Variants in MTRF1 observed in about 807,000 individuals in gnomAD.
The protein encoded by MTRF1 is mitochondrial translation release factor 1, also known as peptide chain release factor 1, mitochondrial.
MTRF1 carries 51 observed loss-of-function variants against 62.9 expected under a neutral mutation model. The observed-to-expected ratio is 0.81, with a 90% confidence interval of 0.65 to 1.02. The LOEUF (loss-of-function observed/expected upper bound fraction) is 1.02. Ranked by LOEUF, MTRF1 falls within the 50% of genes least tolerant of loss-of-function variation. The probability of loss-of-function intolerance (pLI) is 0.00; values close to 1 mark genes in which losing one functional copy is unlikely to be tolerated. For missense variants in MTRF1, 446 were observed against 530.0 expected (o/e 0.84, Z 1.56); for synonymous variants, 158 against 181.9 (o/e 0.87, Z 1.06).
At chr13:41,255,598 A>C (rs1208617763) in intron 2 of MTRF1, among the ~76,000 whole-genome samples, 3 of 152,186 alleles carry the variant, frequency 2.0e-5, no homozygotes, top group Non-Finnish European at 4.4e-5. Flanking sequence ...AGGCTGAGGC[A>C]GGAGAATTGC....
intron 9 of MTRF1, among the ~76,000 whole-genome samples, chr13:41,222,647 C>T (rs540104100): frequency 6.6e-6 from 1 of 152,214 alleles, no homozygotes; most frequent in African/African-American, 2.4e-5. Flanking sequence ...GAGGTAGCCA[C>T]TGGGAAACAA....
In MTRF1 at chr13:41,249,619, C is replaced by CTTTTTTT. The variant is rs1166204914; in HGVS notation, c.697+3019_697+3025dup. Among the ~76,000 whole-genome samples the CTTTTTTT allele has an allele frequency of 1.8e-3, 112 of 61,546 alleles. 5 individuals are homozygous for CTTTTTTT. Among genetic ancestry groups the CTTTTTTT allele is most frequent in the Middle Eastern group, 0.017 (1 of 60 alleles). 40.4% of individuals were successfully genotyped at this position (61,546 alleles called of 152,430 possible). On this transcript the variant is annotated intron_variant, in intron 5 of 9. Coordinates refer to ENST00000379480, the MANE Select transcript of MTRF1 (RefSeq NM_004294.4). ...TATTCTTAGTCTTTGATTTTTTTTT[C>CTTTTTTT]TTTTTTTTTTTTTTTTTTTTTTTTT... is the stretch of plus-strand genomic sequence containing the variant.
At chr13:41,262,299 C>A (rs1169761760) in intron 1 of MTRF1, 1 of 137,240 alleles carries the variant, frequency 7.3e-6, no homozygotes, top group Non-Finnish European at 1.5e-5. Flanking sequence ...GAGATCGCAC[C>A]ACTGCAACCA....
chr13:41,233,714 G>A (rs2035988740), intron 7 of MTRF1, among the ~76,000 whole-genome samples, 176 bp downstream of exon 7: 1 of 152,140 alleles, frequency 6.6e-6, no homozygotes, highest in South Asian at 2.1e-4. Flanking sequence ...TTTTCAGAAA[G>A]GAATCTTTCC....
upstream of MTRF1, among the ~76,000 whole-genome samples, chr13:41,267,875 T>A (rs905995035): frequency 8.6e-5 from 12 of 140,284 alleles, no homozygotes; most frequent in African/African-American, 3.2e-4. Flanking sequence ...AAAAAAAAAA[T>A]GGCGATCAAA....
intron 8 of MTRF1, among the ~76,000 whole-genome samples, chr13:41,224,730 TAA>T (rs2138704689): frequency 1.3e-5 from 2 of 152,302 alleles, no homozygotes; most frequent in South Asian, 4.1e-4. Flanking sequence ...GCCTTCTGTA[TAA>T]AAGCCAAGTG....
At chr13:41,220,173 C>CA (rs1471080220) in intron 9 of MTRF1, among the ~76,000 whole-genome samples, 1 of 149,714 alleles carries the variant, frequency 6.7e-6, no homozygotes, top group East Asian at 2.0e-4. Context: ...ATTAAAAACA[C>CA]AGAAAAATTA....
At chr13:41,306,665 T>G in the MTRF1 span, among the ~76,000 whole-genome samples, 2 of 152,216 alleles carry the variant, frequency 1.3e-5, no homozygotes, top group Non-Finnish European at 2.9e-5. Flanking sequence ...TGGCCCATAT[T>G]ACATATGTAA....
chr13:41,239,059 T>C (rs1049999650), intron 6 of MTRF1, among the ~76,000 whole-genome samples: 1 of 151,036 alleles, frequency 6.6e-6, no homozygotes, highest in Non-Finnish European at 1.5e-5. Flanking sequence ...TAAAGAAACA[T>C]AGCAACTAAT....
rs1202783865 is a variant in MTRF1 at position 41,249,814 on chromosome 13, A to G, written c.697+2831T>C. ...GCCAATTTTTGTATTTGTAGTAGAC[A>G]TGGTGGCCAGGCTGGCCTCAAACTC... is the stretch of plus-strand genomic sequence containing the variant. On this transcript the variant is annotated intron_variant, in intron 5 of 9. Transcript: ENST00000379480. Among the ~76,000 whole-genome samples the G allele has an allele frequency of 4.6e-5, 7 of 151,516 alleles. No individual in the cohort carries two copies. The East Asian group carries it at 9.7e-4, about 21-fold the overall frequency.
At chr13:41,311,608 G>C in the MTRF1 span, 1 of 1,595,660 alleles carries the variant, frequency 6.3e-7, no homozygotes, top group Non-Finnish European at 8.5e-7. Flanking sequence ...CCGCGCTGCC[G>C]CCCCCCGGTC....
At chr13:41,286,185 C>T in the MTRF1 span, among the ~76,000 whole-genome samples, 21 of 151,044 alleles carry the variant, frequency 1.4e-4, no homozygotes, top group Non-Finnish European at 4.4e-5. Flanking sequence ...CCTCACACAA[C>T]TTTTTGCTTA....
At chr13:41,242,644 G>A (rs1039267971) in intron 5 of MTRF1, among the ~76,000 whole-genome samples, 9 of 152,018 alleles carry the variant, frequency 5.9e-5, no homozygotes, top group East Asian at 1.9e-4. Context: ...TGGCTATTTC[G>A]CTCTAAAATA....
intron 8 of MTRF1, 112 bp from the exon 9 acceptor site, chr13:41,223,466 C>T: frequency 6.7e-6 from 5 of 750,476 alleles, no homozygotes; most frequent in Non-Finnish European, 1.1e-5. Context: ...TTCTAAAAGA[C>T]ATATATACAA....
chr13:41,217,347 G>A (rs1192797156), intron 9 of MTRF1, 119 bp from the exon 10 acceptor site: 6 of 574,610 alleles, frequency 1.0e-5, no homozygotes, highest in East Asian at 2.9e-5. Flanking sequence ...GATTACTAAT[G>A]TTCTGTAATA....
intron 8 of MTRF1, 120 bp from the exon 9 acceptor site, chr13:41,223,474 C>T (rs1451995947): frequency 1.4e-6 from 1 of 719,626 alleles, no homozygotes; most frequent in African/African-American, 1.8e-5. Context: ...GACATATATA[C>T]AAAATGACAA....
At position 41,254,626 on chromosome 13, in the gene MTRF1, A is replaced by G; in HGVS notation, c.416-6T>C. On this transcript the variant is annotated splice_region_variant and splice_polypyrimidine_tract_variant and intron_variant, in intron 2 of 9. Coordinates refer to ENST00000379480, the MANE Select transcript of MTRF1 (RefSeq NM_004294.4). ...TTCATCTTGTTTATTTAGGCCTAAA[A>G]GCCAGAAACAGAAATAATGATAAAG... The G allele has an allele frequency of 6.2e-7, 1 of 1,604,130 alleles. No homozygotes were observed.
chr13:41,273,297 G>A, the MTRF1 span, among the ~76,000 whole-genome samples: 2 of 150,520 alleles, frequency 1.3e-5, no homozygotes, highest in Non-Finnish European at 3.0e-5. Flanking sequence ...CTGCACTCCA[G>A]CCTGGGCTAC....
intron 9 of MTRF1, among the ~76,000 whole-genome samples, chr13:41,220,930 G>A (rs1363604654): frequency 6.6e-6 from 1 of 152,110 alleles, no homozygotes; most frequent in East Asian, 1.9e-4. Context: ...TTTGTCCTGG[G>A]TCAGGATCAC....
Sources: gnomAD v4.1 joint callset for allele counts (sites outside exome capture counted in the v4.1 genomes callset) on GRCh38, gnomAD v4.1.1 for gene constraint, MANE v1.5 for transcripts, NCBI Gene and HGNC (gene_info 2026-07-23, HGNC 2026-07-21) for gene names.